The following ALK variants were observed in gnomAD, a reference collection of about 807,000 sequenced individuals.
ALK encodes the protein ALK tyrosine kinase receptor.
In ALK, 74 loss-of-function variants were observed where a neutral mutation model predicts 163.1. The ratio of observed to expected loss-of-function variants is 0.45; its 90% CI spans 0.38 to 0.55. The LOEUF is 0.55. Ranked by LOEUF, ALK falls within the 20% of genes least tolerant of loss-of-function variation. ALK has a pLI of 0.00. For synonymous variants in ALK, 960 were observed against 843.2 expected, an observed-to-expected ratio of 1.14 and a Z score of -2.40; for missense variants, 2,063 against 2,105.3, an observed-to-expected ratio of 0.98 and a Z score of 0.39.
At chr2:29,613,213 C>T (rs574681515) in intron 3 of ALK, among the ~76,000 whole-genome samples, 1 of 152,242 alleles carries the variant, frequency 6.6e-6, no homozygotes, top group Admixed American at 6.5e-5. Context: ...AATTATTTTT[C>T]GAATGCCTGA....
chr2:29,815,141 G>C (rs1040151875), intron 1 of ALK, among the ~76,000 whole-genome samples: 1 of 151,016 alleles, frequency 6.6e-6, no homozygotes, highest in Admixed American at 6.6e-5. Flanking sequence ...TGTCTAAATT[G>C]AGTTTAAATC....
At chr2:29,793,873 CA>C (rs1664244185) in intron 1 of ALK, among the ~76,000 whole-genome samples, 1 of 152,154 alleles carries the variant, frequency 6.6e-6, no homozygotes, top group South Asian at 2.1e-4. Flanking sequence ...GTAGATTTAG[CA>C]TAATTTTAAA....
intron 1 of ALK, among the ~76,000 whole-genome samples, chr2:29,910,404 T>A (rs889663409): frequency 6.6e-6 from 1 of 152,122 alleles, no homozygotes; most frequent in Non-Finnish European, 1.5e-5. Flanking sequence ...ATAGCACAAT[T>A]GTAATTGAAT....
chr2:29,884,037 T>A (rs78038518), intron 1 of ALK, among the ~76,000 whole-genome samples: 1 of 152,216 alleles, frequency 6.6e-6, no homozygotes, highest in East Asian at 1.9e-4. Context: ...GAGAGAAATG[T>A]GAACAAATGT....
chr2:29,911,129 A>G (rs1253217543), intron 1 of ALK, among the ~76,000 whole-genome samples: 1 of 152,234 alleles, frequency 6.6e-6, no homozygotes, highest in Non-Finnish European at 1.5e-5. Context: ...AACTGAATGC[A>G]GGCACCCAGA....
chr2:29,751,320 T>G (rs1391750875), intron 1 of ALK, among the ~76,000 whole-genome samples: 1 of 152,162 alleles, frequency 6.6e-6, no homozygotes, highest in African/African-American at 2.4e-5. Flanking sequence ...AAATTAATTG[T>G]GCTAGGACAT....
rs111494997 is a variant in ALK at position 29,705,610 on chromosome 2, G to T, written c.788-10596C>A. Among the ~76,000 whole-genome samples, 941 of 152,190 alleles carry T rather than the reference G, an allele frequency of 6.2e-3. 12 individuals carry two copies. Among genetic ancestry groups the T allele is most frequent in the African/African-American group, 0.021 (870 of 41,550 alleles). ...GGGAGTAACTGCAAGCACAGATCCT[G>T]CATGAGGTCAGGCTCCCAAGTTGGA... is the stretch of plus-strand genomic sequence containing the variant. On this transcript the variant is annotated intron_variant, in intron 2 of 28. Transcript: ENST00000389048.
intron 7 of ALK, among the ~76,000 whole-genome samples, 170 bp from the exon 8 acceptor site, chr2:29,318,574 T>C (rs1666904805): frequency 6.6e-6 from 1 of 151,844 alleles, no homozygotes; most frequent in East Asian, 1.9e-4. Context: ...AATTTCTTTT[T>C]TTTTTTTTTT....
intron 3 of ALK, among the ~76,000 whole-genome samples, chr2:29,652,837 C>A (rs925758282): frequency 6.6e-6 from 1 of 152,130 alleles, no homozygotes; most frequent in African/African-American, 2.4e-5. Context: ...ACCCCTTCCC[C>A]ATACCTTGCC....
intron 1 of ALK, among the ~76,000 whole-genome samples, chr2:29,799,389 G>A (rs1034055918): frequency 6.6e-6 from 1 of 152,172 alleles, no homozygotes; most frequent in African/African-American, 2.4e-5. Flanking sequence ...AATAGCAGCT[G>A]GGTGCAGTGG....
intron 1 of ALK, among the ~76,000 whole-genome samples, chr2:29,724,495 C>T (rs1030578109): frequency 1.3e-5 from 2 of 152,150 alleles, no homozygotes; most frequent in Non-Finnish European, 2.9e-5. Flanking sequence ...GCTGAGCCTG[C>T]ACCTGTTCAG....
intron 1 of ALK, among the ~76,000 whole-genome samples, chr2:29,899,417 C>A (rs939223021): frequency 6.6e-6 from 1 of 152,194 alleles, no homozygotes; most frequent in South Asian, 2.1e-4. Context: ...GGCGGCTACT[C>A]ACCCTGAGGA....
chr2:29,820,518 A>C (rs569740132), intron 1 of ALK, among the ~76,000 whole-genome samples: 2 of 152,340 alleles, frequency 1.3e-5, no homozygotes, highest in South Asian at 4.1e-4. Flanking sequence ...TGCAGTAGAT[A>C]ACCAATACAT....
chr2:29,689,528 G>A (rs1006109249), intron 3 of ALK, among the ~76,000 whole-genome samples: 13 of 152,152 alleles, frequency 8.5e-5, no homozygotes, highest in Non-Finnish European at 1.5e-4. Flanking sequence ...TATGAATCTG[G>A]TCTCCTCTGA....
intron 1 of ALK, among the ~76,000 whole-genome samples, chr2:29,721,973 C>T (rs186917156): frequency 6.6e-6 from 1 of 152,354 alleles, no homozygotes; most frequent in Admixed American, 6.5e-5. Context: ...CTCAAGGTCG[C>T]CGACGACCCT....
chr2:29,742,225 C>T (rs1680082047), intron 1 of ALK, among the ~76,000 whole-genome samples: 2 of 152,204 alleles, frequency 1.3e-5, no homozygotes, highest in Admixed American at 6.5e-5. Context: ...AGGTGAGATG[C>T]CATCTTAATC....
At chr2:29,222,269 G>A (rs1357300758) in intron 22 of ALK, 75 bp downstream of exon 22, 13 of 1,339,546 alleles carry the variant, frequency 9.7e-6, no homozygotes, top group South Asian at 3.6e-5. Context: ...TGGAGATATC[G>A]ATCTGTTAGA....
At chr2:29,261,472 G>C (rs918685070) in intron 11 of ALK, among the ~76,000 whole-genome samples, 2 of 151,638 alleles carry the variant, frequency 1.3e-5, no homozygotes, top group Non-Finnish European at 2.9e-5. Flanking sequence ...GAAATCATTT[G>C]AGCTCATTTG....
At chr2:29,467,010 G>A (rs1282911591) in intron 4 of ALK, among the ~76,000 whole-genome samples, 3 of 152,150 alleles carry the variant, frequency 2.0e-5, no homozygotes, top group East Asian at 3.9e-4. Context: ...ATCTCCAGTT[G>A]TTTCTGGTAA....
Sources: allele counts gnomAD v4.1 joint callset (sites outside exome capture counted in the v4.1 genomes callset), GRCh38; gene constraint gnomAD v4.1.1; transcripts MANE v1.5; gene names NCBI Gene and HGNC (gene_info 2026-07-23, HGNC 2026-07-21).